The following EMILIN1 variants were observed in gnomAD, a reference collection of about 807,000 sequenced individuals.
EMILIN1 encodes the protein elastin microfibril interfacer 1.
EMILIN1 carries 49 observed loss-of-function variants against 82.4 expected under a neutral mutation model. That is an observed-to-expected ratio of 0.59 (90% confidence interval 0.47 to 0.75). EMILIN1 has a LOEUF of 0.75. Among genes scored for constraint, EMILIN1 ranks in the 30% least tolerant of loss-of-function variants. EMILIN1 has a pLI of 0.00. For missense variants in EMILIN1, 1,313 were observed against 1,366.4 expected, an observed-to-expected ratio of 0.96 and a Z score of 0.62; for synonymous variants, 604 against 602.2, an observed-to-expected ratio of 1.00 and a Z score of -0.04.
chr2:27,085,016 C>T lies in EMILIN1; in HGVS notation c.2575+8C>T, dbSNP rs749007460. On this transcript the variant is annotated splice_region_variant and intron_variant, in intron 6 of 7. Coordinates refer to ENST00000380320, the MANE Select transcript of EMILIN1 (RefSeq NM_007046.4). Reference sequence around the variant, plus strand: ...GTCCTCAAGGTGAACAGGGTGAGTGCCTTTCATTTGATTCTGGAGGGAGAA... The same window carrying T: ...GTCCTCAAGGTGAACAGGGTGAGTGTCTTTCATTTGATTCTGGAGGGAGAA... The T allele has an allele frequency of 6.2e-7, 1 of 1,613,810 alleles. No individual in the cohort carries two copies. Among genetic ancestry groups the T allele is most frequent in the Admixed American group, 1.7e-5 (1 of 60,034 alleles).
chr2:27,083,423 G>A lies in EMILIN1; in HGVS notation c.1852G>A (p.Val618Ile). The change falls in exon 4 of 8, where the codon GTT (valine) becomes ATT (isoleucine). Residue 618 changes from valine to isoleucine, a missense_variant. Transcript: ENST00000380320. ...PPRGPGAGPG[V>I]GGPSRGPLDG... ...TCGGGGTCCTGGGGCTGGTCCAGGT[G>A]TTGGGGGCCCAAGCCGTGGGCCCCT... The A allele has an allele frequency of 6.2e-7, 1 of 1,612,282 alleles. No individual in the cohort carries two copies. Among genetic ancestry groups the A allele is most frequent in the Non-Finnish European group, 8.5e-7 (1 of 1,179,974 alleles).
In EMILIN1 at chr2:27,083,932, C is replaced by T. The variant is rs551614207; in HGVS notation, c.2361C>T (p.Gly787=). The change falls in exon 4 of 8, where the codon GGC becomes GGT. Residue 787 remains glycine, a synonymous_variant. Transcript: ENST00000380320. ...EKLVGGQAGL[G]RRLGALNSSL... is the part of the protein sequence containing the mutation. ...TGGTCGGGGGACAGGCGGGCCTGGG[C>T]AGGCGGCTGGGTGCCCTTAACAGCT... 20 of 1,597,164 alleles carry T rather than the reference C, an allele frequency of 1.3e-5. No homozygotes were observed. The Admixed American group carries it at 2.7e-4, about 22-fold the overall frequency.
At chr2:27,081,538 G>A (rs929695923) in intron 3 of EMILIN1, among the ~76,000 whole-genome samples, 2 of 152,168 alleles carry the variant, frequency 1.3e-5, no homozygotes, top group African/African-American at 4.8e-5. Flanking sequence ...CGTCCACAGA[G>A]CCTCTTCTTT....
At position 27,078,900 on chromosome 2, in the gene EMILIN1, C is replaced by T; in HGVS notation, c.-166C>T. 1 of 533,672 alleles carries T rather than the reference C, an allele frequency of 1.9e-6. No homozygotes were observed. Among genetic ancestry groups the T allele is most frequent in the Non-Finnish European group, 3.3e-6 (1 of 307,664 alleles). The allele number at this position is 533,672 out of a possible 1,614,324, so 33.1% of individuals were successfully genotyped here. ...GAAAGAGGAGGGGAGAGGGGTCAGG[C>T]CAGGCAGCCAAGGAGAAGACGTGTG... On this transcript the variant is annotated 5_prime_UTR_variant, in exon 1 of 8. Transcript: ENST00000380320.
Position 27,082,607 on chromosome 2 carries a change from G to C in EMILIN1, c.1036G>C (p.Gly346Arg), listed in dbSNP as rs1669501728. ...ACGGCACCTCGCAGGGCTGGCGGTG[G>C]GCCGCAGGCCCCCTCAGGAATGCTG... ...RQRHLAGLAV[G>R]RRPPQECCSP... is the part of the protein sequence containing the mutation. Residue 346 changes from glycine to arginine, a missense_variant, in exon 4 of 8, where the codon GGC (glycine) becomes CGC (arginine). By Grantham distance (125) the Gly-to-Arg change is moderately radical. Coordinates refer to ENST00000380320, the MANE Select transcript of EMILIN1 (RefSeq NM_007046.4). 1 of 1,543,068 alleles carries C rather than the reference G, an allele frequency of 6.5e-7. No individual in the cohort carries two copies. Among genetic ancestry groups the C allele is most frequent in the African/African-American group, 1.4e-5 (1 of 73,034 alleles).
At position 27,085,721 on chromosome 2, in the gene EMILIN1, G is replaced by A. The variant is rs750683135; in HGVS notation, c.2757G>A (p.Ala919=). 1 of 1,607,028 alleles carries A rather than the reference G, an allele frequency of 6.2e-7. No homozygotes were observed. Residue 919 remains alanine, a synonymous_variant, in exon 8 of 8, where the codon GCG becomes GCA. Coordinates refer to ENST00000380320, the MANE Select transcript of EMILIN1 (RefSeq NM_007046.4). ...TGGCTGGACGCTACTTGCTGAGCGC[G>A]GTGCTGACTGGGCACCGGCACGAGA... ...APLAGRYLLS[A]VLTGHRHEKV... is the part of the protein sequence containing the mutation.
In EMILIN1 at chr2:27,082,868, G is replaced by A; in HGVS notation, c.1297G>A (p.Gly433Arg). 1 of 1,590,044 alleles carries A rather than the reference G, an allele frequency of 6.3e-7. No individual in the cohort carries two copies. Among genetic ancestry groups the A allele is most frequent in the Non-Finnish European group, 8.5e-7 (1 of 1,175,908 alleles). Residue 433 changes from glycine to arginine, a missense_variant, in exon 4 of 8, where the codon GGG becomes AGG. Physicochemically the swap from Gly to Arg is moderately radical, Grantham distance 125 (BLOSUM62 -2). Coordinates refer to ENST00000380320, the MANE Select transcript of EMILIN1 (RefSeq NM_007046.4). ...GGAGGAGAGCTGGCCTGGGGCTCCTGGGGGGCTGAGCCACTGGCTGCCTGC... is the reference window on the plus strand; with the variant it reads ...GGAGGAGAGCTGGCCTGGGGCTCCTAGGGGGCTGAGCCACTGGCTGCCTGC... ...EQEESWPGAP[G>R]GLSHWLPAAR...
chr2:27,078,835 A>C lies in EMILIN1; in HGVS notation c.-231A>C. 1 of 467,608 alleles carries C rather than the reference A, an allele frequency of 2.1e-6. No individual in the cohort carries two copies. The highest frequency in any genetic ancestry group is 3.8e-6 in the Non-Finnish European group (1 of 265,544). The allele number at this position is 467,608 out of a possible 1,614,324, so 29.0% of individuals were successfully genotyped here. On this transcript the variant is annotated 5_prime_UTR_variant, in exon 1 of 8. Coordinates refer to ENST00000380320, the MANE Select transcript of EMILIN1 (RefSeq NM_007046.4). The stretch of plus-strand genomic sequence containing the variant: ...AAACCCCCTCAGAAGTGAAGAGGAG[A>C]GCGGAAGGAACCGAGAGGGGACGGA...
chr2:27,086,380 G>A lies in EMILIN1; in HGVS notation c.*365G>A, dbSNP rs114367706. 3,146 of 219,566 alleles carry A rather than the reference G, an allele frequency of 0.014. 107 individuals are homozygous for A. The highest frequency in any genetic ancestry group is 0.067 in the African/African-American group (2,959 of 43,904). 13.6% of individuals were successfully genotyped at this position (219,566 alleles called of 1,614,324 possible). ...CCATACTAAACGATCGAGGAATAAA[G>A]ACACTTGGTTTTTCTAAAAAAAACT... On this transcript the variant is annotated 3_prime_UTR_variant, in exon 8 of 8. Coordinates refer to ENST00000380320, the MANE Select transcript of EMILIN1 (RefSeq NM_007046.4).
intron 2 of EMILIN1, 141 bp from the exon 3 acceptor site, chr2:27,080,591 A>G: frequency 1.4e-6 from 1 of 714,926 alleles, no homozygotes; most frequent in Non-Finnish European, 2.3e-6. Flanking sequence ...TCAGCTAAGC[A>G]AGGCCACATG....
At position 27,083,942 on chromosome 2, in the gene EMILIN1, G is replaced by A; in HGVS notation, c.2371G>A (p.Gly791Ser). Residue 791 changes from glycine (G) to serine (S), a missense_variant, in exon 4 of 8, where the codon GGT becomes AGT. Transcript: ENST00000380320. ...GGQAGLGRRL[G>S]ALNSSLQLLE... ...ACAGGCGGGCCTGGGCAGGCGGCTG[G>A]GTGCCCTTAACAGCTCCCTGCAGCT... 2.5e-6 allele frequency: 4 copies of A among 1,590,042 alleles called. No homozygotes were observed. The highest frequency in any genetic ancestry group is 3.4e-6 in the Non-Finnish European group (4 of 1,166,582).
Position 27,086,125 on chromosome 2 carries a change from C to A in EMILIN1, c.*110C>A. 1.2e-6 allele frequency: 1 copy of A among 839,004 alleles called. No individual in the cohort carries two copies. The highest frequency in any genetic ancestry group is 1.6e-6 in the Non-Finnish European group (1 of 615,732). The allele number at this position is 839,004 out of a possible 1,614,324, so 52.0% of individuals were successfully genotyped here. On this transcript the variant is annotated 3_prime_UTR_variant, in exon 8 of 8. Transcript: ENST00000380320. ...CCTAGCCCTGGGCGAGCGCCGCACC[C>A]GGGCCCGCAGCGGCACCGCGCCCAG...
rs151013266 is a variant in EMILIN1 at position 27,083,637 on chromosome 2, T to C, written c.2066T>C (p.Ile689Thr). The change falls in exon 4 of 8, where the codon ATT becomes ACT. Residue 689 changes from isoleucine to threonine, a missense_variant. By Grantham distance (89) the Ile-to-Thr change is moderately conservative (BLOSUM62 -1). Transcript: ENST00000380320. ...GATKDRIISEINRLQQEATEH... is the reference protein window; with the variant it reads ...GATKDRIISETNRLQQEATEH... Reference sequence around the variant, plus strand: ...ACCAAGGACCGTATCATTTCTGAGATTAACAGGCTGCAGCAGGAGGCCACA... The same window carrying C: ...ACCAAGGACCGTATCATTTCTGAGACTAACAGGCTGCAGCAGGAGGCCACA... 5 of 1,612,174 alleles carry C rather than the reference T, an allele frequency of 3.1e-6. No homozygotes were observed. In the African/African-American group the frequency reaches 4.0e-5, roughly 13 times the overall value.
rs1467987893 is a variant in EMILIN1, at chr2:27,085,871, C to A, written c.2907C>A (p.Gly969=). 1.9e-6 allele frequency: 3 copies of A among 1,593,374 alleles called. No individual in the cohort carries two copies. The highest frequency in any genetic ancestry group is 2.6e-6 in the Non-Finnish European group (3 of 1,169,010). The change falls in exon 8 of 8, where the codon GGC becomes GGA. Residue 969 remains glycine (G), a synonymous_variant. Transcript: ENST00000380320. ...AESQPSPGTL[G]VFSLILPLQA... ...GCCAGCCCAGCCCGGGCACCCTGGG[C>A]GTCTTCAGCCTCATCCTGCCGCTGC...
rs932089355 is a variant in EMILIN1, at chr2:27,085,417, C to T, written c.2713+120C>T. On this transcript the variant is annotated intron_variant, in intron 7 of 7. Coordinates refer to ENST00000380320, the MANE Select transcript of EMILIN1 (RefSeq NM_007046.4). ...TTCATTCTCTGATTTGGGGAGACCC[C>T]GGCTCTTTCTTCATTTATTCATTCT... The T allele has an allele frequency of 6.3e-6, 8 of 1,265,140 alleles. No individual in the cohort carries two copies. The Admixed American group carries it at 8.3e-5, about 13-fold the overall frequency. The allele number at this position is 1,265,140 out of a possible 1,614,324, so 78.4% of individuals were successfully genotyped here. A position where few individuals can be genotyped will look rare whatever the true frequency, so the allele number is the denominator to read the frequency against.
At position 27,083,029 on chromosome 2, in the gene EMILIN1, T is replaced by G; in HGVS notation, c.1458T>G (p.Pro486=). ...QACGQLCSGA[P]GEQDSQVSEI... Reference sequence around the variant, plus strand: ...GCGGGCAGCTCTGCTCTGGGGCCCCTGGGGAGCAGGACTCTCAAGTCAGCG... The same window carrying G: ...GCGGGCAGCTCTGCTCTGGGGCCCCGGGGGAGCAGGACTCTCAAGTCAGCG... Residue 486 remains proline (P), a synonymous_variant, in exon 4 of 8, where the codon CCT becomes CCG. Coordinates refer to ENST00000380320, the MANE Select transcript of EMILIN1 (RefSeq NM_007046.4). 6.5e-7 allele frequency: 1 copy of G among 1,550,078 alleles called. No individual in the cohort carries two copies. The highest frequency in any genetic ancestry group is 8.7e-7 in the Non-Finnish European group (1 of 1,148,248).
chr2:27,082,736 G>T lies in EMILIN1; in HGVS notation c.1165G>T (p.Gly389Ter). ...TGGGCGGCGAGGCACAGAGCTGGGA[G>T]GAGCCGCGGGGCAGGGAGGCCACCC... Reference protein sequence around the residue: ...LSGRRGTELGGAAGQGGHPPG... With the variant: ...LSGRRGTELG Residue 389 changes from glycine (G) to a stop codon, truncating the protein, a stop_gained, in exon 4 of 8, where the codon GGA becomes TGA. Coordinates refer to ENST00000380320, the MANE Select transcript of EMILIN1 (RefSeq NM_007046.4). LOFTEE classifies it high-confidence loss of function. 1 of 1,543,708 alleles carries T rather than the reference G, an allele frequency of 6.5e-7. No individual in the cohort carries two copies.
Position 27,084,031 on chromosome 2 carries a change from G to A in EMILIN1, c.2440+20G>A. 1 of 1,459,470 alleles carries A rather than the reference G, an allele frequency of 6.9e-7. No individual in the cohort carries two copies. The highest frequency in any genetic ancestry group is 9.1e-7 in the Non-Finnish European group (1 of 1,102,828). The allele number at this position is 1,459,470 out of a possible 1,614,324, so 90.4% of individuals were successfully genotyped here. A position where few individuals can be genotyped will look rare whatever the true frequency, so the allele number is the denominator to read the frequency against. ...TCACTGGTGAGGGGACAAAAGGCAT[G>A]AGGGGACCCCTTTCAAGCCCCTTAT... On this transcript the variant is annotated intron_variant, in intron 4 of 7. Coordinates refer to ENST00000380320, the MANE Select transcript of EMILIN1 (RefSeq NM_007046.4).
chr2:27,081,587 GCTACTGTTGTGGCATCCAGAGTGCCTCC>G (rs1669477903), intron 3 of EMILIN1, among the ~76,000 whole-genome samples: 2 of 151,958 alleles, frequency 1.3e-5, no homozygotes, highest in South Asian at 4.1e-4. Context: ...CCCAGTGGTA[GCTACTGTTGTGGCATCCAGAGTGCCTCC>G]CTACACTCCC....
Sources: gnomAD v4.1 joint callset for allele counts (sites outside exome capture counted in the v4.1 genomes callset) on GRCh38, gnomAD v4.1.1 for gene constraint, MANE v1.5 for transcripts, NCBI Gene and HGNC (gene_info 2026-07-23, HGNC 2026-07-21) for gene names.